Variants in SEMA4B observed in about 807,000 individuals in gnomAD.
The protein encoded by SEMA4B is semaphorin-4B.
In SEMA4B, 55 loss-of-function variants were observed where a neutral mutation model predicts 88.1. The ratio of observed to expected loss-of-function variants is 0.62; its 90% CI spans 0.50 to 0.78. The LOEUF (loss-of-function observed/expected upper bound fraction) is 0.78. SEMA4B is among the 30% of genes least tolerant of loss of function. SEMA4B has a pLI of 0.00. For synonymous variants in SEMA4B, 525 were observed against 473.6 expected (o/e 1.11, Z -1.41); for missense variants, 1,062 against 1,111.9 (o/e 0.96, Z 0.64).
upstream of SEMA4B, among the ~76,000 whole-genome samples, chr15:90,198,526 T>C (rs2151589891): frequency 6.6e-6 from 1 of 152,236 alleles, no homozygotes; most frequent in Middle Eastern, 3.4e-3. Context: ...TGAAAAAATA[T>C]CTCAAGGTAT....
chr15:90,227,432 A>G (rs1431375628), intron 12 of SEMA4B, 125 bp from the exon 13 acceptor site: 1 of 693,476 alleles, frequency 1.4e-6, no homozygotes, highest in Non-Finnish European at 2.5e-6. Flanking sequence ...GGAGATGCTG[A>G]CTCCTGTGGG....
intron 4 of SEMA4B, among the ~76,000 whole-genome samples, chr15:90,220,632 G>T (rs1018176526): frequency 2.0e-5 from 3 of 151,948 alleles, no homozygotes; most frequent in African/African-American, 7.2e-5. Context: ...GCCTCCCAGA[G>T]TGCTGGGATT....
chr15:90,208,172 T>G (rs1252424389), intron 1 of SEMA4B, among the ~76,000 whole-genome samples: 3 of 151,610 alleles, frequency 2.0e-5, no homozygotes, highest in African/African-American at 7.3e-5. Context: ...GAGAATCACT[T>G]GAACCTGGGA....
At chr15:90,206,985 CACAAAAAAA>C (rs1417614874) in intron 1 of SEMA4B, 1 of 479,716 alleles carries the variant, frequency 2.1e-6, no homozygotes, top group African/African-American at 2.7e-5. Context: ...ATCTTTGGCT[CACAAAAAAA>C]ACAAAAAAAG....
chr15:90,203,922 T>C (rs1279473350), intron 1 of SEMA4B, among the ~76,000 whole-genome samples: 1 of 152,206 alleles, frequency 6.6e-6, no homozygotes, highest in Non-Finnish European at 1.5e-5. Context: ...GTATCTATAG[T>C]CGACTGAGTT....
upstream of SEMA4B, chr15:90,201,180 C>T (rs988429267): frequency 2.8e-6 from 1 of 351,170 alleles, no homozygotes; most frequent in Non-Finnish European, 4.0e-6. Flanking sequence ...CTCCGGCGGC[C>T]GCCGGGGCTA....
chr15:90,189,688 C>CT (rs1348955101), intron 1 of SEMA4B, among the ~76,000 whole-genome samples: 1 of 152,160 alleles, frequency 6.6e-6, no homozygotes, highest in Non-Finnish European at 1.5e-5. Context: ...TTCCTTGTGT[C>CT]TGCAGACTAA....
At chr15:90,204,369 C>T (rs1596130717) in intron 1 of SEMA4B, among the ~76,000 whole-genome samples, 2 of 152,182 alleles carry the variant, frequency 1.3e-5, no homozygotes, top group South Asian at 2.1e-4. Context: ...TGAAGTGGAG[C>T]GTCCAGCTTG....
chr15:90,190,643 G>A (rs1265388243), intron 1 of SEMA4B, among the ~76,000 whole-genome samples: 4 of 152,202 alleles, frequency 2.6e-5, no homozygotes, highest in African/African-American at 9.7e-5. Context: ...TGCTCAGACT[G>A]GGATTTTAGA....
At chr15:90,211,169 C>T (rs1961248130) in intron 1 of SEMA4B, among the ~76,000 whole-genome samples, 1 of 152,280 alleles carries the variant, frequency 6.6e-6, no homozygotes, top group Admixed American at 6.5e-5. Flanking sequence ...CTGAGCGTGT[C>T]CCTGTGTAGA....
At chr15:90,214,147 C>G (rs1036720966) in intron 1 of SEMA4B, among the ~76,000 whole-genome samples, 7 of 151,608 alleles carry the variant, frequency 4.6e-5, no homozygotes, top group African/African-American at 1.5e-4. Flanking sequence ...TACGAGAGAC[C>G]AGCCTGGCCA....
At chr15:90,206,887 A>C (rs1961018142) in intron 1 of SEMA4B, 1 of 706,766 alleles carries the variant, frequency 1.4e-6, no homozygotes, top group Admixed American at 1.8e-5. Context: ...GGTTGGTTGC[A>C]GTTGTATAGT....
chr15:90,213,815 C>T (rs1379295033), intron 1 of SEMA4B, among the ~76,000 whole-genome samples: 2 of 152,218 alleles, frequency 1.3e-5, no homozygotes, highest in Non-Finnish European at 2.9e-5. Flanking sequence ...AAGAAGGGAC[C>T]GCAGTGTCTG....
At chr15:90,213,040 A>G (rs1488403910) in intron 1 of SEMA4B, among the ~76,000 whole-genome samples, 1 of 152,190 alleles carries the variant, frequency 6.6e-6, no homozygotes, top group African/African-American at 2.4e-5. Context: ...GTCGCGTGCC[A>G]GACACCATGC....
chr15:90,204,090 G>A (rs570330812), intron 1 of SEMA4B, among the ~76,000 whole-genome samples: 121 of 152,292 alleles, frequency 7.9e-4, no homozygotes, highest in East Asian at 9.7e-4. Context: ...GGCCTAAGGC[G>A]GTTTCCTGCC....
At chr15:90,202,122 A>G (rs1047548083) in intron 1 of SEMA4B, among the ~76,000 whole-genome samples, 7 of 152,204 alleles carry the variant, frequency 4.6e-5, no homozygotes, top group Non-Finnish European at 1.0e-4. Flanking sequence ...TTGCAGTCCT[A>G]TAAACACTGG....
upstream of SEMA4B, among the ~76,000 whole-genome samples, chr15:90,200,090 T>C (rs981600763): frequency 1.3e-5 from 2 of 152,212 alleles, no homozygotes; most frequent in African/African-American, 4.8e-5. Flanking sequence ...ACAGAAATCA[T>C]GCAGCATGAG....
In SEMA4B at chr15:90,223,708, C is replaced by T. The variant is rs1399388143; in HGVS notation, c.1011C>T (p.Asp337=). 3 of 1,611,126 alleles carry T rather than the reference C, an allele frequency of 1.9e-6. No homozygotes were observed. In the African/African-American group the frequency reaches 4.0e-5, roughly 22 times the overall value. Residue 337 remains aspartate, a synonymous_variant, in exon 8 of 14, where the codon GAC becomes GAT. Coordinates refer to ENST00000411539, the MANE Select transcript of SEMA4B (RefSeq NM_198925.4). ...TLSPSPQDWR[D]TLFYGVFTSQ... is the part of the protein sequence containing the mutation. ...GCCCCAGCCCCCAGGACTGGCGTGA[C>T]ACCCTTTTCTATGGGGTCTTCACTT...
exon 1 of SEMA4B, chr15:90,184,999 C>CA (rs1960121690): frequency 1.0e-6 from 1 of 985,682 alleles, no homozygotes; most frequent in Admixed American, 6.1e-5. Flanking sequence ...GCCGGCCTGG[C>CA]AAGGGGGACG....
Sources: gnomAD v4.1 joint callset for allele counts (sites outside exome capture counted in the v4.1 genomes callset) on GRCh38, gnomAD v4.1.1 for gene constraint, MANE v1.5 for transcripts, NCBI Gene and HGNC (gene_info 2026-07-23, HGNC 2026-07-21) for gene names.